ECM2: variants seen among roughly 807,000 people sequenced by gnomAD.
ECM2 encodes extracellular matrix protein 2.
ECM2 carries 57 observed loss-of-function variants against 67.5 expected under a neutral mutation model. The observed-to-expected ratio is 0.84, with a 90% CI of 0.68 to 1.05. The LOEUF (loss-of-function observed/expected upper bound fraction) is 1.05, where lower values mean the gene tolerates loss of function less well. Ranked by LOEUF, ECM2 falls within the 50% of genes least tolerant of loss-of-function variation. ECM2 has a pLI of 0.00. For missense variants in ECM2, 741 were observed against 822.8 expected, an observed-to-expected ratio of 0.90 and a Z score of 1.22; for synonymous variants, 258 against 294.5, an observed-to-expected ratio of 0.88 and a Z score of 1.27.
intron 1 of ECM2, among the ~76,000 whole-genome samples, chr9:92,533,328 AAT>A (rs202147064): frequency 0.017 from 665 of 38,268 alleles, 11 homozygotes; most frequent in African/African-American, 0.021. Context: ...AAAAAAAAAA[AAT>A]ATATATATAT....
At chr9:92,520,191 G>A (rs1165450432) in intron 2 of ECM2, among the ~76,000 whole-genome samples, 1 of 151,498 alleles carries the variant, frequency 6.6e-6, no homozygotes, top group Non-Finnish European at 1.5e-5. Flanking sequence ...GGCTGAGGCA[G>A]AGGATCACTG....
chr9:92,550,472 C>T, the ECM2 span, among the ~76,000 whole-genome samples: 1 of 151,438 alleles, frequency 6.6e-6, no homozygotes, highest in African/African-American at 2.4e-5. Context: ...TGAAATAGTT[C>T]AGTTTCTTTT....
upstream of ECM2, among the ~76,000 whole-genome samples, chr9:92,537,165 C>T (rs561601470): frequency 6.6e-6 from 1 of 151,708 alleles, no homozygotes; most frequent in Non-Finnish European, 1.5e-5. Context: ...CATGAGCCAC[C>T]GCACCTGGCC....
chr9:92,551,077 A>G, the ECM2 span, among the ~76,000 whole-genome samples: 1 of 152,168 alleles, frequency 6.6e-6, no homozygotes, highest in Non-Finnish European at 1.5e-5. Flanking sequence ...AGGCTACCAG[A>G]TACTCAGAGC....
chr9:92,544,181 A>G, the ECM2 span, among the ~76,000 whole-genome samples: 4 of 152,228 alleles, frequency 2.6e-5, no homozygotes, highest in Non-Finnish European at 4.4e-5. Flanking sequence ...CTTGTCATAA[A>G]TGATCTTTAT....
intron 6 of ECM2, among the ~76,000 whole-genome samples, chr9:92,507,280 C>T (rs1847063229): frequency 6.6e-6 from 1 of 152,198 alleles, no homozygotes; most frequent in Non-Finnish European, 1.5e-5. Context: ...TATTCTCTTT[C>T]ATTTCCAAAA....
intron 1 of ECM2, among the ~76,000 whole-genome samples, chr9:92,528,992 G>A (rs1848582060): frequency 6.6e-6 from 1 of 152,020 alleles, no homozygotes; most frequent in Admixed American, 6.6e-5. Flanking sequence ...TGAGAAGAAG[G>A]ATTAACCATG....
At chr9:92,505,453 T>C in intron 7 of ECM2, 80 bp downstream of exon 7, 1 of 1,227,242 alleles carries the variant, frequency 8.1e-7, no homozygotes, top group Non-Finnish European at 1.1e-6. Context: ...TACATCACAA[T>C]AGTCTTAAAA....
At chr9:92,503,965 A>G (rs958824515) in intron 7 of ECM2, among the ~76,000 whole-genome samples, 12 of 152,188 alleles carry the variant, frequency 7.9e-5, no homozygotes, top group African/African-American at 2.4e-4. Context: ...AGTATGTGCC[A>G]CGCATTTGTG....
chr9:92,543,286 A>G, the ECM2 span, among the ~76,000 whole-genome samples: 6 of 152,106 alleles, frequency 3.9e-5, no homozygotes, highest in African/African-American at 1.4e-4. Context: ...AGCCTGGCCA[A>G]CATGGTGAAA....
intron 6 of ECM2, among the ~76,000 whole-genome samples, chr9:92,505,953 G>C (rs1420680721): frequency 6.6e-6 from 1 of 152,166 alleles, no homozygotes; most frequent in East Asian, 1.9e-4. Context: ...AACAATATGT[G>C]TAAGGAACAG....
intron 1 of ECM2, among the ~76,000 whole-genome samples, chr9:92,526,777 TAAAA>T (rs556343494): frequency 6.6e-6 from 1 of 151,996 alleles, no homozygotes; most frequent in Non-Finnish European, 1.5e-5. Flanking sequence ...ATTGAAGAAA[TAAAA>T]AAACTTTTTT....
chr9:92,551,317 A>G, the ECM2 span, among the ~76,000 whole-genome samples: 2 of 152,064 alleles, frequency 1.3e-5, no homozygotes, highest in Admixed American at 6.5e-5. Context: ...GTGATATAGC[A>G]TACTTCCCCA....
rs1399765749 is a variant in ECM2 at position 92,517,887 on chromosome 9, C to T, written c.293-12G>A. The T allele has an allele frequency of 1.9e-6, 3 of 1,613,044 alleles. No homozygotes were observed. Among genetic ancestry groups the T allele is most frequent in the South Asian group, 2.2e-5 (2 of 90,818 alleles). The stretch of plus-strand genomic sequence containing the variant: ...GTGTCCCTTCTTTCCTAGAAGAAAA[C>T]AAAAGCACAAATTTAAATTTCTTAT... On this transcript the variant is annotated splice_polypyrimidine_tract_variant and intron_variant, in intron 2 of 9. Transcript: ENST00000344604.
At chr9:92,545,952 C>G in the ECM2 span, among the ~76,000 whole-genome samples, 1 of 151,964 alleles carries the variant, frequency 6.6e-6, no homozygotes, top group South Asian at 2.1e-4. Flanking sequence ...AATCAGCACT[C>G]TGTCTAGCTC....
At chr9:92,519,518 C>A (rs1412351885) in intron 2 of ECM2, among the ~76,000 whole-genome samples, 1 of 152,124 alleles carries the variant, frequency 6.6e-6, no homozygotes, top group African/African-American at 2.4e-5. Context: ...CATTTATGAA[C>A]AATTGATTTT....
the ECM2 span, among the ~76,000 whole-genome samples, chr9:92,545,577 C>T: frequency 6.6e-6 from 1 of 152,202 alleles, no homozygotes; most frequent in Non-Finnish European, 1.5e-5. Context: ...ACGAGCTCTG[C>T]CCCCTGCTCC....
At chr9:92,525,224 A>G (rs944847292) in intron 1 of ECM2, among the ~76,000 whole-genome samples, 2 of 152,084 alleles carry the variant, frequency 1.3e-5, no homozygotes, top group African/African-American at 2.4e-5. Flanking sequence ...AGGCTGAGGC[A>G]GGAGGCTCAC....
In ECM2 at chr9:92,501,064, G is replaced by A. The variant is rs1564357160; in HGVS notation, c.1605-11C>T. On this transcript the variant is annotated splice_polypyrimidine_tract_variant and intron_variant, in intron 8 of 9. Coordinates refer to ENST00000344604, the MANE Select transcript of ECM2 (RefSeq NM_001393.4). Reference sequence around the variant, plus strand: ...ATGGATTCTAGATTTCTGCAGCAAAGAAAAAAGTAAACAGGGTAGGGACAT... The same window carrying A: ...ATGGATTCTAGATTTCTGCAGCAAAAAAAAAAGTAAACAGGGTAGGGACAT... The A allele has an allele frequency of 6.2e-7, 1 of 1,606,074 alleles. No homozygotes were observed. Among genetic ancestry groups the A allele is most frequent in the Admixed American group, 1.7e-5 (1 of 58,946 alleles).
Sources: gnomAD v4.1 joint callset for allele counts (sites outside exome capture counted in the v4.1 genomes callset) on GRCh38, gnomAD v4.1.1 for gene constraint, MANE v1.5 for transcripts, NCBI Gene and HGNC (gene_info 2026-07-23, HGNC 2026-07-21) for gene names.